Variants in MYO10 observed in about 807,000 individuals in gnomAD.
MYO10 encodes the protein myosin X, also known as unconventional myosin-X.
A neutral mutation model predicts 257.3 loss-of-function variants in MYO10; 133 were observed. The observed-to-expected ratio is 0.52, with a 90% CI of 0.45 to 0.60. MYO10 has a LOEUF of 0.60. Ranked by LOEUF, MYO10 falls within the 20% of genes least tolerant of loss-of-function variation. The pLI is 0.00. For synonymous variants in MYO10, 1,104 were observed against 1,028.6 expected, an observed-to-expected ratio of 1.07 and a Z score of -1.40; for missense variants, 2,399 against 2,635.7, an observed-to-expected ratio of 0.91 and a Z score of 1.97.
intron 2 of MYO10, among the ~76,000 whole-genome samples, chr5:16,857,963 T>C (rs898300358): frequency 6.6e-6 from 1 of 152,070 alleles, no homozygotes; most frequent in Non-Finnish European, 1.5e-5. Context: ...TCAGAAGTAA[T>C]TGGGGTAAAT....
At chr5:16,876,102 G>T (rs1016826127) in intron 2 of MYO10, among the ~76,000 whole-genome samples, 6 of 152,024 alleles carry the variant, frequency 3.9e-5, no homozygotes, top group African/African-American at 1.4e-4. Flanking sequence ...AACAGAGCAA[G>T]AATCCATCTC....
Position 16,666,515 on chromosome 5 carries a change from A to G in MYO10, c.*177T>C. 1 of 586,568 alleles carries G rather than the reference A, an allele frequency of 1.7e-6. No homozygotes were observed. The allele number at this position is 586,568 out of a possible 1,614,324, so 36.3% of individuals were successfully genotyped here. A position where few individuals can be genotyped will look rare whatever the true frequency, so the allele number is the denominator to read the frequency against. ...ACTGTTAAAGTTGACAGCTTAATAC[A>G]GGATCAATGAAGGCGGCAGGCAAAA... On this transcript the variant is annotated 3_prime_UTR_variant, in exon 41 of 41. Coordinates refer to ENST00000513610, the MANE Select transcript of MYO10 (RefSeq NM_012334.3).
At chr5:16,731,085 G>A (rs1199374991) in intron 19 of MYO10, among the ~76,000 whole-genome samples, 3 of 145,950 alleles carry the variant, frequency 2.1e-5, no homozygotes, top group African/African-American at 5.1e-5. Context: ...TCGCTCTGTC[G>A]CCCAGGCTGG....
At chr5:16,830,415 C>T (rs1435063485) in intron 2 of MYO10, among the ~76,000 whole-genome samples, 1 of 151,956 alleles carries the variant, frequency 6.6e-6, no homozygotes, top group Non-Finnish European at 1.5e-5. Context: ...AGAAAAGCAT[C>T]CTTGTTGTTT....
intron 3 of MYO10, among the ~76,000 whole-genome samples, chr5:16,796,685 C>T: frequency 6.6e-6 from 1 of 152,176 alleles, no homozygotes; most frequent in Non-Finnish European, 1.5e-5. Context: ...CCTGCAACCA[C>T]CATCAACCAC....
Position 16,860,364 on chromosome 5 carries a change from T to C in MYO10, c.120+17245A>G, listed in dbSNP as rs917164495. On this transcript the variant is annotated intron_variant, in intron 2 of 40. Transcript: ENST00000513610. The stretch of plus-strand genomic sequence containing the variant: ...AAGAGGAAGAAGAAAGACTTTCCAA[T>C]TGATCTCAGATCAAAGTACCCACTG... 5.3e-5 allele frequency among the ~76,000 whole-genome samples: 8 copies of C among 152,278 alleles called. No individual in the cohort carries two copies. In the East Asian group the frequency reaches 5.8e-4, roughly 11 times the overall value.
At chr5:16,926,033 T>C (rs1421652520) in intron 1 of MYO10, among the ~76,000 whole-genome samples, 1 of 152,226 alleles carries the variant, frequency 6.6e-6, no homozygotes, top group Non-Finnish European at 1.5e-5. Flanking sequence ...TAAAAGAGGA[T>C]AATTTGAATA....
At chr5:16,785,171 T>C (rs1303860428) in intron 4 of MYO10, among the ~76,000 whole-genome samples, 5 of 152,206 alleles carry the variant, frequency 3.3e-5, no homozygotes, top group Non-Finnish European at 7.3e-5. Flanking sequence ...CTGCCTCATG[T>C]AGTCTGAAAT....
chr5:16,861,414 T>TA, intron 2 of MYO10, among the ~76,000 whole-genome samples: 1 of 151,138 alleles, frequency 6.6e-6, no homozygotes, highest in Admixed American at 6.6e-5. Flanking sequence ...AAAATAAAAA[T>TA]AAAAAAATTA....
intron 1 of MYO10, among the ~76,000 whole-genome samples, chr5:16,907,001 C>A (rs1314886631): frequency 6.6e-6 from 1 of 152,076 alleles, no homozygotes; most frequent in Non-Finnish European, 1.5e-5. Flanking sequence ...ATAGTCCCAG[C>A]TACTCGGGAA....
intron 10 of MYO10, among the ~76,000 whole-genome samples, chr5:16,768,750 CTGCACCTTCAACCCGCAG>C (rs1740957336): frequency 2.7e-5 from 4 of 145,640 alleles, no homozygotes; most frequent in Non-Finnish European, 4.5e-5. Flanking sequence ...TCTCAGCTCA[CTGCACCTTCAACCCGCAG>C]AGGCTCAGGT....
chr5:16,752,829 T>A (rs1360742277), intron 19 of MYO10, among the ~76,000 whole-genome samples: 4 of 152,218 alleles, frequency 2.6e-5, no homozygotes, highest in Non-Finnish European at 4.4e-5. Flanking sequence ...GGAGAGATGT[T>A]CCAACTATTA....
chr5:16,756,871 C>A (rs1422443043), intron 18 of MYO10, among the ~76,000 whole-genome samples: 1 of 152,076 alleles, frequency 6.6e-6, no homozygotes, highest in East Asian at 1.9e-4. Flanking sequence ...GAGGCTGAGG[C>A]AGGAGGATCG....
intron 19 of MYO10, among the ~76,000 whole-genome samples, chr5:16,726,643 G>A (rs1346181140): frequency 6.6e-6 from 1 of 152,290 alleles, no homozygotes; most frequent in East Asian, 1.9e-4. Flanking sequence ...GAAAGGGGGA[G>A]TTCCTGTAGT....
chr5:16,666,008 CTG>C lies in MYO10; in HGVS notation c.*682_*683del, dbSNP rs1353184157. On this transcript the variant is annotated 3_prime_UTR_variant, in exon 41 of 41. Coordinates refer to ENST00000513610, the MANE Select transcript of MYO10 (RefSeq NM_012334.3). ...GCTCTGCATTATTAAAATATACAGA[CTG>C]TGTACACCATTACACATCCTTTTTC... The C allele has an allele frequency of 1.4e-4, 21 of 152,714 alleles. No homozygotes were observed. The highest frequency in any genetic ancestry group is 1.0e-3 in the Admixed American group (16 of 15,306). 9.5% of individuals were successfully genotyped at this position (152,714 alleles called of 1,614,324 possible). A position where few individuals can be genotyped will look rare whatever the true frequency, so the allele number is the denominator to read the frequency against.
At chr5:16,924,372 T>C (rs759312518) in intron 1 of MYO10, among the ~76,000 whole-genome samples, 2 of 152,182 alleles carry the variant, frequency 1.3e-5, no homozygotes, top group Admixed American at 6.5e-5. Context: ...CTTAAGCTTC[T>C]AGTAAGGAGT....
At chr5:16,842,423 G>A (rs1743509659) in intron 2 of MYO10, among the ~76,000 whole-genome samples, 1 of 152,134 alleles carries the variant, frequency 6.6e-6, no homozygotes, top group South Asian at 2.1e-4. Flanking sequence ...TCCAGGCAGA[G>A]GGAGCCCAGC....
At chr5:16,692,349 G>A (rs1415542276) in intron 27 of MYO10, among the ~76,000 whole-genome samples, 2 of 152,154 alleles carry the variant, frequency 1.3e-5, no homozygotes. Flanking sequence ...GAACCAGGGA[G>A]GCAGAGGTTG....
chr5:16,774,955 G>T (rs891837938), intron 9 of MYO10, among the ~76,000 whole-genome samples: 1 of 149,556 alleles, frequency 6.7e-6, no homozygotes, highest in African/African-American at 2.5e-5. Flanking sequence ...TACCCAGGAA[G>T]GTCCATATGG....
Sources: allele counts gnomAD v4.1 joint callset (sites outside exome capture counted in the v4.1 genomes callset), GRCh38; gene constraint gnomAD v4.1.1; transcripts MANE v1.5; gene names NCBI Gene and HGNC (gene_info 2026-07-23, HGNC 2026-07-21).